Variants in TNS3 observed in about 807,000 individuals in gnomAD.
TNS3 encodes the protein tensin 3, also known as tensin-3.
Under a neutral mutation model 140.9 loss-of-function variants are expected in TNS3, and 45 were observed. That is an observed-to-expected ratio of 0.32 (90% CI 0.25 to 0.41). The LOEUF (loss-of-function observed/expected upper bound fraction) is 0.41, where lower values mean the gene tolerates loss of function less well. Among genes scored for constraint, TNS3 ranks in the 10% least tolerant of loss-of-function variants. The probability of loss-of-function intolerance (pLI) is 1.00; values close to 1 mark genes in which losing one functional copy is unlikely to be tolerated. For synonymous variants in TNS3, 815 were observed against 788.4 expected (o/e 1.03, Z -0.56); for missense variants, 1,716 against 1,906.7 (o/e 0.90, Z 1.86).
chr7:47,480,392 G>A (rs1797371473), intron 4 of TNS3, among the ~76,000 whole-genome samples: 1 of 152,204 alleles, frequency 6.6e-6, no homozygotes, highest in African/African-American at 2.4e-5. Context: ...TTGCCTCCCA[G>A]GGAGTCGCTT....
chr7:47,462,943 T>C (rs1402503778), intron 4 of TNS3, among the ~76,000 whole-genome samples: 1 of 152,128 alleles, frequency 6.6e-6, no homozygotes, highest in Non-Finnish European at 1.5e-5. Flanking sequence ...AAAGAATCAT[T>C]AAGTGAAAAC....
intron 16 of TNS3, among the ~76,000 whole-genome samples, chr7:47,379,089 G>A (rs1023437213): frequency 6.6e-6 from 1 of 152,170 alleles, no homozygotes; most frequent in Non-Finnish European, 1.5e-5. Flanking sequence ...CACAAGGCAG[G>A]GTTGAATGGG....
chr7:47,578,170 G>A (rs1800717517), intron 1 of TNS3, among the ~76,000 whole-genome samples: 1 of 151,888 alleles, frequency 6.6e-6, no homozygotes, highest in Admixed American at 6.6e-5. Flanking sequence ...AAAATTAGCT[G>A]GGCATGGTGG....
intron 2 of TNS3, among the ~76,000 whole-genome samples, chr7:47,526,084 G>A (rs986942452): frequency 2.6e-5 from 4 of 152,210 alleles, no homozygotes; most frequent in East Asian, 1.9e-4. Flanking sequence ...GCTGGAGGCC[G>A]TGCTTTCTCC....
In TNS3 at chr7:47,457,230, T is replaced by C. The variant is rs545539885; in HGVS notation, c.-75-15175A>G. Among the ~76,000 whole-genome samples the C allele has an allele frequency of 3.7e-4, 55 of 150,462 alleles. 1 individual carries two copies. The highest frequency in any genetic ancestry group is 3.4e-3 in the Middle Eastern group (1 of 290). On this transcript the variant is annotated intron_variant, in intron 4 of 30. Coordinates refer to ENST00000311160, the MANE Select transcript of TNS3 (RefSeq NM_022748.12). ...CCACCTCGATGTATCCTCTGTCCAT[T>C]CCTGTGGCGTAAATACTGCCACCAT...
At chr7:47,490,681 G>A (rs1341491450) in intron 3 of TNS3, among the ~76,000 whole-genome samples, 6 of 152,222 alleles carry the variant, frequency 3.9e-5, no homozygotes, top group South Asian at 2.1e-4. Flanking sequence ...AGGGGGCACC[G>A]AGGTGCCCAG....
intron 10 of TNS3, among the ~76,000 whole-genome samples, chr7:47,422,602 C>T (rs1562720482): frequency 6.6e-6 from 1 of 150,490 alleles, no homozygotes; most frequent in Non-Finnish European, 1.5e-5. Context: ...GACAGAGCAA[C>T]ACTCTGTTTC....
At chr7:47,553,793 CT>C (rs1001094159) in intron 1 of TNS3, among the ~76,000 whole-genome samples, 109 of 146,672 alleles carry the variant, frequency 7.4e-4, no homozygotes, top group Non-Finnish European at 7.7e-4. Flanking sequence ...TCAACTCTTA[CT>C]TTTTTTTTTT....
At chr7:47,383,220 C>T (rs746845752) in intron 16 of TNS3, among the ~76,000 whole-genome samples, 3 of 152,192 alleles carry the variant, frequency 2.0e-5, no homozygotes, top group African/African-American at 7.2e-5. Flanking sequence ...CACAGTGGCA[C>T]ACCACAGCCA....
chr7:47,563,475 G>T (rs118107203), intron 1 of TNS3, among the ~76,000 whole-genome samples: 6,036 of 152,230 alleles, frequency 0.04, 157 homozygotes, highest in Non-Finnish European at 0.056. Flanking sequence ...GGACTCACTA[G>T]CAAGACTGAG....
At chr7:47,569,379 C>A (rs1307823383) in intron 1 of TNS3, among the ~76,000 whole-genome samples, 2 of 151,506 alleles carry the variant, frequency 1.3e-5, no homozygotes, top group Admixed American at 1.3e-4. Flanking sequence ...CCCGTCTCTA[C>A]TAAAAATTTA....
Position 47,346,321 on chromosome 7 carries a change from T to G in TNS3, c.2317A>C (p.Arg773=). 3.1e-6 allele frequency: 5 copies of G among 1,614,180 alleles called. No homozygotes were observed. Among genetic ancestry groups the G allele is most frequent in the Non-Finnish European group, 4.2e-6 (5 of 1,180,004 alleles). The change falls in exon 18 of 31, where the codon AGG becomes CGG. Residue 773 remains arginine (R), a synonymous_variant. Coordinates refer to ENST00000311160, the MANE Select transcript of TNS3 (RefSeq NM_022748.12). Reference sequence around the variant, plus strand: ...TCGTACTGCCCCAGGCTCAGCTTCCTGAGTCTCCCGCCCAGGGGCTGTTCA... The same window carrying G: ...TCGTACTGCCCCAGGCTCAGCTTCCGGAGTCTCCCGCCCAGGGGCTGTTCA... The part of the protein sequence containing the change: ...SAEQPLGGRL[R]KLSLGQYDND...
At chr7:47,470,956 T>C (rs564593430) in intron 4 of TNS3, among the ~76,000 whole-genome samples, 1 of 151,970 alleles carries the variant, frequency 6.6e-6, no homozygotes, top group East Asian at 1.9e-4. Context: ...TTTTGTTTTT[T>C]TTTAATGTGT....
At chr7:47,336,142 C>T (rs1788617613) in intron 20 of TNS3, among the ~76,000 whole-genome samples, 1 of 150,370 alleles carries the variant, frequency 6.7e-6, no homozygotes, top group South Asian at 2.1e-4. Flanking sequence ...TCTTTGGTCA[C>T]TTCAGCCTCT....
rs191696945 is a variant in TNS3, at chr7:47,316,733, G to A, written c.2651-11730C>T. Among the ~76,000 whole-genome samples the A allele has an allele frequency of 2.4e-3, 346 of 145,378 alleles. 2 individuals are homozygous for A. Among genetic ancestry groups the A allele is most frequent in the African/African-American group, 7.9e-3 (306 of 38,900 alleles). On this transcript the variant is annotated intron_variant, in intron 20 of 30. Transcript: ENST00000311160. ...GTGGAGGTTGCAGTGAGCCAAGATC[G>A]TGCCACTGCACTCCAGCCTGGGCAA...
At chr7:47,421,742 A>C (rs1794381418) in intron 10 of TNS3, among the ~76,000 whole-genome samples, 1 of 152,154 alleles carries the variant, frequency 6.6e-6, no homozygotes, top group South Asian at 2.1e-4. Flanking sequence ...AGGTATAAAA[A>C]CAGAAAACTT....
chr7:47,500,110 C>T (rs1027460517), intron 3 of TNS3, among the ~76,000 whole-genome samples: 2 of 152,156 alleles, frequency 1.3e-5, no homozygotes, highest in Non-Finnish European at 2.9e-5. Context: ...CACACACACA[C>T]ACTTGGCAAA....
chr7:47,296,992 A>T, intron 24 of TNS3, 90 bp downstream of exon 24: 1 of 1,494,298 alleles, frequency 6.7e-7, no homozygotes, highest in Admixed American at 2.2e-5. Context: ...GTATTGTTAA[A>T]GTCATCTTTT....
chr7:47,463,095 A>G (rs1796556478), intron 4 of TNS3, among the ~76,000 whole-genome samples: 1 of 152,146 alleles, frequency 6.6e-6, no homozygotes, highest in African/African-American at 2.4e-5. Flanking sequence ...CTCTAGGAGA[A>G]ATACAGGGTT....
Sources: gnomAD v4.1 joint callset for allele counts (sites outside exome capture counted in the v4.1 genomes callset) on GRCh38, gnomAD v4.1.1 for gene constraint, MANE v1.5 for transcripts, NCBI Gene and HGNC (gene_info 2026-07-23, HGNC 2026-07-21) for gene names.